The following CDHR3 variants were observed in gnomAD, a reference collection of about 807,000 sequenced individuals.
The protein encoded by CDHR3 is cadherin related family member 3, also known as cadherin-related family member 3.
A neutral mutation model predicts 86.6 loss-of-function variants in CDHR3; 79 were observed. That is an observed-to-expected ratio of 0.91 (90% confidence interval 0.76 to 1.10). The LOEUF is 1.10. Among genes scored for constraint, CDHR3 ranks in the 50% least tolerant of loss-of-function variants. The pLI is 0.00. For synonymous variants in CDHR3, 421 were observed against 402.4 expected (o/e 1.05, Z -0.55); for missense variants, 1,081 against 1,077.6 (o/e 1.00, Z -0.04).
chr7:106,013,157 G>A (rs1835074505), intron 9 of CDHR3, 126 bp downstream of exon 9: 1 of 767,640 alleles, frequency 1.3e-6, no homozygotes, highest in Non-Finnish European at 2.0e-6. Context: ...GTAACTGACA[G>A]GCTTAATAGT....
chr7:105,998,634 G>T (rs1380831293), intron 6 of CDHR3, among the ~76,000 whole-genome samples: 1 of 152,030 alleles, frequency 6.6e-6, no homozygotes, highest in Non-Finnish European at 1.5e-5. Context: ...TCTACTAAAA[G>T]TACCAAAGTA....
At chr7:106,022,779 A>G (rs940060831) in intron 14 of CDHR3, among the ~76,000 whole-genome samples, 2 of 152,208 alleles carry the variant, frequency 1.3e-5, no homozygotes, top group Admixed American at 1.3e-4. Flanking sequence ...GCATGCTGCC[A>G]GTTGCTACCT....
At chr7:105,986,163 C>T (rs1159552863) in intron 4 of CDHR3, among the ~76,000 whole-genome samples, 2 of 152,202 alleles carry the variant, frequency 1.3e-5, no homozygotes, top group African/African-American at 4.8e-5. Flanking sequence ...CAAAAACTCT[C>T]TTGGAAGCCC....
chr7:105,977,649 T>C (rs1051800593), intron 2 of CDHR3, among the ~76,000 whole-genome samples: 1 of 152,166 alleles, frequency 6.6e-6, no homozygotes, highest in Non-Finnish European at 1.5e-5. Flanking sequence ...AAGATCCTAC[T>C]CTCCAACCGA....
chr7:106,019,388 G>GT (rs35278081), intron 12 of CDHR3, among the ~76,000 whole-genome samples: 24,081 of 141,356 alleles, frequency 0.17, 2,098 homozygotes, highest in African/African-American at 0.22. Context: ...TTGTTAGGCT[G>GT]TTTTTTTTTT....
intron 8 of CDHR3, among the ~76,000 whole-genome samples, chr7:106,006,822 T>G (rs1376223166): frequency 1.3e-5 from 2 of 152,196 alleles, no homozygotes; most frequent in Non-Finnish European, 2.9e-5. Flanking sequence ...AGTGGCCCTC[T>G]TCTCACAGCT....
chr7:106,028,634 T>TCCCCTATCC, intron 17 of CDHR3, 52 bp downstream of exon 17: 1 of 1,599,252 alleles, frequency 6.3e-7, no homozygotes. Context: ...GGATAGGGGC[T>TCCCCTATCC]CCCGTCTCCC....
At chr7:106,031,794 GA>G (rs369328785) in intron 18 of CDHR3, among the ~76,000 whole-genome samples, 15,765 of 137,392 alleles carry the variant, frequency 0.11, 998 homozygotes, top group Middle Eastern at 0.19. Flanking sequence ...GTAGTTGAGA[GA>G]AAAAAAAAAA....
At chr7:106,028,847 A>T (rs1169280225) in intron 17 of CDHR3, among the ~76,000 whole-genome samples, 1 of 152,228 alleles carries the variant, frequency 6.6e-6, no homozygotes, top group Non-Finnish European at 1.5e-5. Context: ...CCAGCTCTCC[A>T]CGAGAGTGAG....
chr7:106,016,207 C>T (rs1160396635), intron 11 of CDHR3, among the ~76,000 whole-genome samples, 182 bp downstream of exon 11: 1 of 152,198 alleles, frequency 6.6e-6, no homozygotes, highest in African/African-American at 2.4e-5. Flanking sequence ...CTGAGGAGCC[C>T]TTCAGGTGAA....
intron 3 of CDHR3, among the ~76,000 whole-genome samples, chr7:105,982,024 A>G (rs1387156187): frequency 2.0e-5 from 3 of 147,626 alleles, no homozygotes; most frequent in Non-Finnish European, 3.0e-5. Context: ...GGATTGTTGC[A>G]ATGGCTGGCA....
chr7:105,973,276 C>T (rs887539889), intron 1 of CDHR3, among the ~76,000 whole-genome samples: 12 of 152,140 alleles, frequency 7.9e-5, no homozygotes, highest in Admixed American at 3.3e-4. Context: ...AAGTGAAATA[C>T]AGGATTTTAC....
chr7:106,010,482 A>T (rs1186754373), intron 8 of CDHR3, among the ~76,000 whole-genome samples: 1 of 152,144 alleles, frequency 6.6e-6, no homozygotes, highest in East Asian at 1.9e-4. Context: ...GAATGTTCAG[A>T]CTCCAATCCT....
chr7:105,981,241 G>A (rs924864950), intron 3 of CDHR3, 108 bp downstream of exon 3: 5 of 1,091,506 alleles, frequency 4.6e-6, no homozygotes, highest in Non-Finnish European at 6.5e-6. Flanking sequence ...TGTTTCCCTG[G>A]AAAAGGCAGC....
intron 12 of CDHR3, among the ~76,000 whole-genome samples, chr7:106,019,979 C>T (rs777216390): frequency 6.6e-6 from 1 of 152,160 alleles, no homozygotes; most frequent in African/African-American, 2.4e-5. Flanking sequence ...TAAATCCACA[C>T]CTTCCTGGAA....
At chr7:106,019,152 C>T (rs899252253) in intron 12 of CDHR3, among the ~76,000 whole-genome samples, 2 of 152,136 alleles carry the variant, frequency 1.3e-5, no homozygotes, top group Non-Finnish European at 2.9e-5. Flanking sequence ...GTCAGGAGAC[C>T]GAGTTCATTT....
chr7:105,991,795 C>T (rs1351576330), intron 4 of CDHR3, among the ~76,000 whole-genome samples: 2 of 152,176 alleles, frequency 1.3e-5, no homozygotes, highest in Non-Finnish European at 2.9e-5. Flanking sequence ...TAAAATGAAG[C>T]CCTTTCCCTC....
chr7:105,989,979 C>T (rs1324852987), intron 4 of CDHR3, among the ~76,000 whole-genome samples: 1 of 152,208 alleles, frequency 6.6e-6, no homozygotes, highest in Non-Finnish European at 1.5e-5. Context: ...CTTCATTCTA[C>T]TCCAGGTTCT....
Position 106,032,860 on chromosome 7 carries a change from G to A in CDHR3, c.*163G>A. The A allele has an allele frequency of 1.5e-6, 1 of 653,782 alleles. No individual in the cohort carries two copies. The highest frequency in any genetic ancestry group is 2.6e-6 in the Non-Finnish European group (1 of 388,930). The allele number at this position is 653,782 out of a possible 1,614,324, so 40.5% of individuals were successfully genotyped here. A position where few individuals can be genotyped will look rare whatever the true frequency, so the allele number is the denominator to read the frequency against. On this transcript the variant is annotated 3_prime_UTR_variant, in exon 19 of 19. Coordinates refer to ENST00000317716, the MANE Select transcript of CDHR3 (RefSeq NM_152750.5). Reference sequence around the variant, plus strand: ...TGACAAATTTTTAAACAAATAGAAAGGGGTTTGATCACATAGTTGCGTGTT... The same window carrying A: ...TGACAAATTTTTAAACAAATAGAAAAGGGTTTGATCACATAGTTGCGTGTT...
Sources: gnomAD v4.1 joint callset for allele counts (sites outside exome capture counted in the v4.1 genomes callset) on GRCh38, gnomAD v4.1.1 for gene constraint, MANE v1.5 for transcripts, NCBI Gene and HGNC (gene_info 2026-07-23, HGNC 2026-07-21) for gene names.